Variants in DCAF8 observed in about 807,000 individuals in gnomAD.
The protein encoded by DCAF8 is DDB1- and CUL4-associated factor 8.
Under a neutral mutation model 68.0 loss-of-function variants are expected in DCAF8, and 20 were observed. That is an observed-to-expected ratio of 0.29 (90% CI 0.21 to 0.43). The LOEUF is 0.43. Among genes scored for constraint, DCAF8 ranks in the 20% least tolerant of loss-of-function variants. The pLI, the probability that DCAF8 is intolerant of heterozygous loss-of-function variation, is 1.00. For missense variants in DCAF8, 460 were observed against 771.0 expected (o/e 0.60, Z 4.78); for synonymous variants, 230 against 276.9 (o/e 0.83, Z 1.68).
intron 2 of DCAF8, among the ~76,000 whole-genome samples, chr1:160,260,558 T>C (rs1476354294): frequency 6.6e-6 from 1 of 151,668 alleles, no homozygotes; most frequent in Admixed American, 6.6e-5. Flanking sequence ...GAGCCTCTAG[T>C]CTCTGCTACC....
At position 160,226,862 on chromosome 1, in the gene DCAF8, A is replaced by AGTAGGT. The variant is rs538185121; in HGVS notation, c.1071-1205_1071-1200dup. 4.3e-4 allele frequency among the ~76,000 whole-genome samples: 66 copies of AGTAGGT among 152,292 alleles called. 5 individuals are homozygous for AGTAGGT. The South Asian group carries it at 0.013, about 31-fold the overall frequency. On this transcript the variant is annotated intron_variant, in intron 7 of 13. Coordinates refer to ENST00000368074, the MANE Select transcript of DCAF8 (RefSeq NM_015726.4). ...ATCAGTTAATTATATCCATTTGTTA[A>AGTAGGT]GTAGGTGTAAGTCTAGAGTTCAGAA...
At chr1:160,218,129 G>T (rs1655184804) in intron 13 of DCAF8, 195 bp downstream of exon 13, 1 of 644,542 alleles carries the variant, frequency 1.6e-6, no homozygotes, top group African/African-American at 1.8e-5. Flanking sequence ...GGACGGCAAT[G>T]GACAAAAGTA....
intron 7 of DCAF8, among the ~76,000 whole-genome samples, chr1:160,227,304 G>A (rs1188788312): frequency 6.6e-6 from 1 of 152,196 alleles, no homozygotes; most frequent in African/African-American, 2.4e-5. Flanking sequence ...GACTTGAAAA[G>A]TACTTTGTTT....
At chr1:160,241,367 G>T (rs1656109201) in intron 3 of DCAF8, among the ~76,000 whole-genome samples, 1 of 152,060 alleles carries the variant, frequency 6.6e-6, no homozygotes, top group Non-Finnish European at 1.5e-5. Flanking sequence ...CACATTTTTA[G>T]TCTCTCTATT....
At chr1:160,256,372 TAA>T (rs1485262774) in intron 2 of DCAF8, among the ~76,000 whole-genome samples, 1 of 152,120 alleles carries the variant, frequency 6.6e-6, no homozygotes, top group Non-Finnish European at 1.5e-5. Flanking sequence ...AATAAAACAT[TAA>T]AGAGAGGCTT....
chr1:160,240,946 C>T (rs373624817), intron 3 of DCAF8, among the ~76,000 whole-genome samples: 9 of 152,084 alleles, frequency 5.9e-5, no homozygotes, highest in African/African-American at 9.7e-5. Flanking sequence ...ACGTGGATCA[C>T]GAGGTTAGGA....
At chr1:160,257,811 A>G (rs1557844328) in intron 2 of DCAF8, among the ~76,000 whole-genome samples, 2 of 152,118 alleles carry the variant, frequency 1.3e-5, no homozygotes, top group Non-Finnish European at 1.5e-5. Context: ...GCGCAATCTC[A>G]GCTCTACCTC....
At chr1:160,259,465 G>A (rs1428262555) in intron 2 of DCAF8, among the ~76,000 whole-genome samples, 5 of 152,142 alleles carry the variant, frequency 3.3e-5, no homozygotes, top group East Asian at 1.9e-4. Context: ...CCAGGGAGTC[G>A]GAGGTTGCAG....
In DCAF8 at chr1:160,232,951, ATTC is replaced by A. The variant is rs376089912; in HGVS notation, c.960-1547_960-1545del. 8.1e-4 allele frequency among the ~76,000 whole-genome samples: 123 copies of A among 152,320 alleles called. 1 individual carries two copies. The East Asian group carries it at 0.02, about 25-fold the overall frequency. On this transcript the variant is annotated intron_variant, in intron 6 of 13. Transcript: ENST00000368074. ...CCAGGTTAAGGGTGGCATGAGGAAT[ATTC>A]TTCTCAGATCTAAGCATTCAATTAG...
chr1:160,252,040 T>A (rs1176360428), intron 2 of DCAF8, among the ~76,000 whole-genome samples: 1 of 152,148 alleles, frequency 6.6e-6, no homozygotes, highest in African/African-American at 2.4e-5. Context: ...ACAACCCAAC[T>A]GCAGAGAGAC....
At chr1:160,224,235 A>G (rs889451951) in intron 10 of DCAF8, among the ~76,000 whole-genome samples, 1 of 152,178 alleles carries the variant, frequency 6.6e-6, no homozygotes, top group Admixed American at 6.5e-5. Context: ...TAGAAGCAAC[A>G]TTATTGGAGT....
chr1:160,260,977 C>A (rs887486126), intron 2 of DCAF8, among the ~76,000 whole-genome samples: 2 of 151,922 alleles, frequency 1.3e-5, no homozygotes, highest in Non-Finnish European at 2.9e-5. Context: ...AAAATATGAT[C>A]GACACAAAGA....
intron 2 of DCAF8, among the ~76,000 whole-genome samples, chr1:160,245,080 T>C (rs1343259181): frequency 6.6e-6 from 1 of 152,168 alleles, no homozygotes; most frequent in African/African-American, 2.4e-5. Context: ...AAAGGCAACA[T>C]TTCCATTAAA....
chr1:160,262,202 G>A (rs1657125938), intron 1 of DCAF8: 1 of 397,744 alleles, frequency 2.5e-6, no homozygotes, highest in Non-Finnish European at 4.4e-6. Context: ...TGGGATACGG[G>A]TCAGGCCCAT....
intron 2 of DCAF8, among the ~76,000 whole-genome samples, chr1:160,250,994 A>T (rs1030168116): frequency 1.3e-5 from 2 of 152,104 alleles, no homozygotes; most frequent in Non-Finnish European, 2.9e-5. Context: ...CTTTACTAAG[A>T]CCTGAATTCG....
rs1218220858 is a variant in DCAF8, at chr1:160,215,979, G to A, written c.*1613C>T. ...TGGCCTGATTTAGAAGAATCTGACT[G>A]TCCCAGGATACAGAATTCTTGGTTG... On this transcript the variant is annotated 3_prime_UTR_variant, in exon 14 of 14. Transcript: ENST00000368074. The A allele has an allele frequency of 6.6e-6, 1 of 152,126 alleles. No individual in the cohort carries two copies. The highest frequency in any genetic ancestry group is 2.4e-5 in the African/African-American group (1 of 41,430). The allele number at this position is 152,126 out of a possible 1,614,324, so 9.4% of individuals were successfully genotyped here.
At chr1:160,240,867 CT>C (rs1408749269) in intron 3 of DCAF8, among the ~76,000 whole-genome samples, 1 of 152,154 alleles carries the variant, frequency 6.6e-6, no homozygotes, top group Non-Finnish European at 1.5e-5. Context: ...CCATTTCCTA[CT>C]TTAAGAAAGT....
chr1:160,225,202 T>G, intron 8 of DCAF8, 83 bp from the exon 9 acceptor site: 1 of 1,254,002 alleles, frequency 8.0e-7, no homozygotes, highest in Non-Finnish European at 1.1e-6. Flanking sequence ...TCCTTCAAAC[T>G]CCCCTATATC....
At chr1:160,258,714 G>A (rs368221948) in intron 2 of DCAF8, among the ~76,000 whole-genome samples, 8 of 151,844 alleles carry the variant, frequency 5.3e-5, no homozygotes, top group Admixed American at 4.6e-4. Flanking sequence ...CCAGGAGTTT[G>A]AGACCAGCCT....
Sources: allele counts gnomAD v4.1 joint callset (sites outside exome capture counted in the v4.1 genomes callset), GRCh38; gene constraint gnomAD v4.1.1; transcripts MANE v1.5; gene names NCBI Gene and HGNC (gene_info 2026-07-23, HGNC 2026-07-21).